The following ZNF536 variants were observed in gnomAD, a reference collection of about 807,000 sequenced individuals.
ZNF536 encodes zinc finger protein 536.
A neutral mutation model predicts 84.5 loss-of-function variants in ZNF536; 13 were observed. The observed-to-expected ratio is 0.15, with a 90% CI of 0.10 to 0.24. ZNF536 has a LOEUF of 0.24. ZNF536 is among the 10% of genes least tolerant of loss of function. ZNF536 has a pLI of 1.00. For missense variants in ZNF536, 1,536 were observed against 1,747.5 expected, an observed-to-expected ratio of 0.88 and a Z score of 2.16; for synonymous variants, 811 against 742.5, an observed-to-expected ratio of 1.09 and a Z score of -1.50.
At chr19:30,242,565 C>G (rs977047131) in intron 1 of ZNF536, among the ~76,000 whole-genome samples, 1 of 152,192 alleles carries the variant, frequency 6.6e-6, no homozygotes, top group South Asian at 2.1e-4. Flanking sequence ...ACCAGGAAAT[C>G]TCCACAAAGC....
At chr19:30,442,374 T>A (rs190077763) in intron 1 of ZNF536, among the ~76,000 whole-genome samples, 1 of 152,388 alleles carries the variant, frequency 6.6e-6, no homozygotes, top group Admixed American at 6.5e-5. Flanking sequence ...AACAAACAAC[T>A]TTGAGTTCTA....
chr19:30,653,604 G>C (rs796074234), intron 1 of ZNF536, among the ~76,000 whole-genome samples: 1 of 152,128 alleles, frequency 6.6e-6, no homozygotes, highest in Admixed American at 6.5e-5. Flanking sequence ...AAGAGAGGTG[G>C]GATCCGCTCC....
At chr19:30,321,860 C>T (rs1043992686) in intron 2 of ZNF536, among the ~76,000 whole-genome samples, 1 of 151,788 alleles carries the variant, frequency 6.6e-6, no homozygotes, top group South Asian at 2.1e-4. Flanking sequence ...TCACAGCAAC[C>T]TCCGCCTCCA....
At chr19:30,706,409 C>A (rs1035529771) in intron 1 of ZNF536, among the ~76,000 whole-genome samples, 1 of 151,530 alleles carries the variant, frequency 6.6e-6, no homozygotes, top group Non-Finnish European at 1.5e-5. Context: ...AAGGTGTGAA[C>A]CCGGGAGGCA....
intron 1 of ZNF536, among the ~76,000 whole-genome samples, chr19:30,692,207 G>C (rs923079766): frequency 1.3e-5 from 2 of 152,228 alleles, no homozygotes; most frequent in Non-Finnish European, 2.9e-5. Flanking sequence ...GTCAGGTGCC[G>C]ACGCAAGAAA....
intron 2 of ZNF536, among the ~76,000 whole-genome samples, chr19:30,483,124 G>T (rs2054155591): frequency 6.6e-6 from 1 of 152,288 alleles, no homozygotes; most frequent in East Asian, 1.9e-4. Flanking sequence ...TGTTGGCCCA[G>T]TGCCCACCTC....
chr19:30,685,940 A>G, intron 1 of ZNF536, among the ~76,000 whole-genome samples: 1 of 152,244 alleles, frequency 6.6e-6, no homozygotes, highest in African/African-American at 2.4e-5. Context: ...CTGCAAAGAA[A>G]TAATGGAGCA....
intron 2 of ZNF536, among the ~76,000 whole-genome samples, chr19:30,331,062 G>A (rs565554576): frequency 6.6e-5 from 10 of 151,938 alleles, no homozygotes; most frequent in Middle Eastern, 3.4e-3. Flanking sequence ...CAGGAGGATC[G>A]CTTGAGGCCA....
At chr19:30,413,711 T>C (rs1441598972) in intron 1 of ZNF536, among the ~76,000 whole-genome samples, 2 of 152,206 alleles carry the variant, frequency 1.3e-5, no homozygotes, top group Admixed American at 6.5e-5. Flanking sequence ...ATGTATTTTA[T>C]AGCTTTGTTG....
At chr19:30,468,811 G>A (rs1319136487) in intron 2 of ZNF536, among the ~76,000 whole-genome samples, 3 of 152,152 alleles carry the variant, frequency 2.0e-5, no homozygotes, top group Admixed American at 2.0e-4. Context: ...TGGACCCTGA[G>A]ATCAACAGGG....
upstream of ZNF536, among the ~76,000 whole-genome samples, chr19:30,370,062 G>A (rs1354129630): frequency 6.6e-6 from 1 of 152,162 alleles, no homozygotes; most frequent in African/African-American, 2.4e-5. Context: ...GATGCAGAAT[G>A]CTGTAAATCC....
chr19:30,293,348 A>G (rs1455176508), intron 2 of ZNF536, among the ~76,000 whole-genome samples: 1 of 152,146 alleles, frequency 6.6e-6, no homozygotes, highest in Non-Finnish European at 1.5e-5. Flanking sequence ...TCTTTCTTCC[A>G]CGGGAGAAAA....
At chr19:30,502,584 G>A (rs186130554) in intron 2 of ZNF536, among the ~76,000 whole-genome samples, 2 of 152,108 alleles carry the variant, frequency 1.3e-5, no homozygotes, top group East Asian at 1.9e-4. Context: ...ACTTATCATC[G>A]TCTCATCAAC....
intron 1 of ZNF536, among the ~76,000 whole-genome samples, chr19:30,624,527 T>C (rs780165814): frequency 6.6e-6 from 1 of 152,188 alleles, no homozygotes; most frequent in Non-Finnish European, 1.5e-5. Context: ...CCATCACCTA[T>C]ATAATGGGCC....
chr19:30,432,418 C>T (rs902098227), intron 1 of ZNF536, among the ~76,000 whole-genome samples: 2 of 152,142 alleles, frequency 1.3e-5, no homozygotes, highest in African/African-American at 2.4e-5. Flanking sequence ...AGCAGGATCA[C>T]TTCCAGCCCG....
At chr19:30,477,427 TG>T (rs2053895528) in intron 2 of ZNF536, among the ~76,000 whole-genome samples, 1 of 152,216 alleles carries the variant, frequency 6.6e-6, no homozygotes, top group Admixed American at 6.5e-5. Flanking sequence ...AATGAATTTC[TG>T]CGGAGTCGTA....
chr19:30,389,620 C>A (rs371526949), intron 1 of ZNF536, among the ~76,000 whole-genome samples: 2 of 152,276 alleles, frequency 1.3e-5, no homozygotes, highest in East Asian at 3.9e-4. Flanking sequence ...AAGTTCCAGA[C>A]TGGGCTAAGC....
chr19:30,472,693 T>C (rs561698212), intron 2 of ZNF536, among the ~76,000 whole-genome samples: 6 of 152,280 alleles, frequency 3.9e-5, no homozygotes, highest in South Asian at 4.2e-4. Context: ...CCTACTTGAC[T>C]AATATGAAAT....
chr19:30,374,663 C>G (rs2048738194), intron 1 of ZNF536, among the ~76,000 whole-genome samples: 1 of 148,776 alleles, frequency 6.7e-6, no homozygotes, highest in African/African-American at 2.5e-5. Flanking sequence ...AAAACAAACC[C>G]AAGGAAAACA....
Sources: allele counts gnomAD v4.1 joint callset (sites outside exome capture counted in the v4.1 genomes callset), GRCh38; gene constraint gnomAD v4.1.1; transcripts MANE v1.5; gene names NCBI Gene and HGNC (gene_info 2026-07-23, HGNC 2026-07-21).